The following GPC5 variants were observed in gnomAD, a reference collection of about 807,000 sequenced individuals.
The protein encoded by GPC5 is glypican 5.
In GPC5, 47 loss-of-function variants were observed where a neutral mutation model predicts 53.9. That is an observed-to-expected ratio of 0.87 (90% CI 0.69 to 1.11). GPC5 has a LOEUF of 1.11. Ranked by LOEUF, GPC5 falls within the 50% of genes most tolerant of loss-of-function variation. The pLI is 0.00. For missense variants in GPC5, 748 were observed against 713.1 expected (o/e 1.05, Z -0.56); for synonymous variants, 286 against 263.3 (o/e 1.09, Z -0.84).
Position 92,602,233 on chromosome 13 carries a change from C to CATAT in GPC5, c.1562-264022_1562-264019dup, listed in dbSNP as rs149450440. On this transcript the variant is annotated intron_variant, in intron 7 of 7. Coordinates refer to ENST00000377067, the MANE Select transcript of GPC5 (RefSeq NM_004466.6). Reference sequence around the variant, plus strand: ...TACATATATATAAATATATATATAACATATATATATATATATATATATATA... The same window carrying CATAT: ...TACATATATATAAATATATATATAACATATATATATATATATATATATATATATA... Among the ~76,000 whole-genome samples the CATAT allele has an allele frequency of 7.3e-3, 869 of 119,440 alleles. 18 individuals carry two copies. Among genetic ancestry groups the CATAT allele is most frequent in the African/African-American group, 0.022 (664 of 29,752 alleles). The allele number at this position is 119,440 out of a possible 152,430, so 78.4% of individuals were successfully genotyped here. A position where few individuals can be genotyped will look rare whatever the true frequency, so the allele number is the denominator to read the frequency against.
intron 7 of GPC5, among the ~76,000 whole-genome samples, chr13:92,296,750 G>A (rs777886162): frequency 4.6e-5 from 7 of 152,134 alleles, no homozygotes; most frequent in Non-Finnish European, 7.4e-5. Flanking sequence ...GGTGGGCCCC[G>A]CACTTGGAGC....
chr13:91,926,610 A>G (rs1233198203), intron 6 of GPC5, among the ~76,000 whole-genome samples: 1 of 152,158 alleles, frequency 6.6e-6, no homozygotes, highest in African/African-American at 2.4e-5. Context: ...GTGCAAAAAC[A>G]TGCCGGCTTC....
chr13:92,498,402 T>C (rs1459163253), intron 7 of GPC5, among the ~76,000 whole-genome samples: 1 of 152,120 alleles, frequency 6.6e-6, no homozygotes, highest in Non-Finnish European at 1.5e-5. Flanking sequence ...TAGAGAAAGA[T>C]CATATACCAG....
intron 5 of GPC5, among the ~76,000 whole-genome samples, chr13:91,858,569 G>T (rs1326050113): frequency 6.6e-6 from 1 of 151,962 alleles, no homozygotes; most frequent in African/African-American, 2.4e-5. Flanking sequence ...CAGTTTGCTA[G>T]TATGTTGCTG....
At chr13:91,523,318 A>G (rs114253812) in intron 2 of GPC5, among the ~76,000 whole-genome samples, 1 of 152,352 alleles carries the variant, frequency 6.6e-6, no homozygotes, top group African/African-American at 2.4e-5. Flanking sequence ...ATTGTATACA[A>G]TAGCTAAGGC....
At chr13:91,642,414 A>G (rs1030177812) in intron 2 of GPC5, among the ~76,000 whole-genome samples, 1 of 152,208 alleles carries the variant, frequency 6.6e-6, no homozygotes, top group Non-Finnish European at 1.5e-5. Context: ...CCAAGGGAAG[A>G]AAAGTAACAC....
intron 7 of GPC5, among the ~76,000 whole-genome samples, chr13:92,743,585 C>T (rs1172650733): frequency 6.6e-6 from 1 of 152,110 alleles, no homozygotes; most frequent in African/African-American, 2.4e-5. Flanking sequence ...ATTTCTTTCT[C>T]CTGCCTGATT....
intron 7 of GPC5, among the ~76,000 whole-genome samples, chr13:92,385,312 A>G (rs2043783159): frequency 7.1e-6 from 1 of 140,638 alleles, no homozygotes; most frequent in Non-Finnish European, 1.5e-5. Flanking sequence ...GGCACTTCCT[A>G]TATATATACA....
chr13:91,623,456 G>A (rs533026777), intron 2 of GPC5, among the ~76,000 whole-genome samples: 11 of 152,008 alleles, frequency 7.2e-5, no homozygotes, highest in Admixed American at 1.3e-4. Flanking sequence ...AGGATTCTGC[G>A]TCTAGGGGGC....
chr13:92,021,572 C>A (rs952686219), intron 6 of GPC5, among the ~76,000 whole-genome samples: 2 of 152,146 alleles, frequency 1.3e-5, no homozygotes, highest in African/African-American at 4.8e-5. Context: ...CTGTGGTCAA[C>A]AATAATGCGT....
intron 7 of GPC5, among the ~76,000 whole-genome samples, chr13:92,197,960 A>G (rs2139056236): frequency 6.6e-6 from 1 of 152,202 alleles, no homozygotes; most frequent in South Asian, 2.1e-4. Flanking sequence ...TTTGATTCCC[A>G]ACATGCCAAA....
At chr13:92,670,740 G>A (rs888077269) in intron 7 of GPC5, among the ~76,000 whole-genome samples, 3 of 152,158 alleles carry the variant, frequency 2.0e-5, no homozygotes, top group Non-Finnish European at 4.4e-5. Context: ...CAAGTGTCCA[G>A]TCCTATCTCT....
Position 91,889,225 on chromosome 13 carries a change from T to G in GPC5, c.1281-18712T>G, listed in dbSNP as rs1466350524. ...TGTAAAGGAATAAGTGCCCATTTTC[T>G]GGGACACTCCAAGAGTCTGACTCAG... On this transcript the variant is annotated intron_variant, in intron 5 of 7. Transcript: ENST00000377067. Among the ~76,000 whole-genome samples, 3 of 152,210 alleles carry G rather than the reference T, an allele frequency of 2.0e-5. No homozygotes were observed. In the East Asian group the frequency reaches 5.8e-4, roughly 29 times the overall value.
chr13:92,566,095 G>C (rs1882854637), intron 7 of GPC5, among the ~76,000 whole-genome samples: 1 of 152,126 alleles, frequency 6.6e-6, no homozygotes, highest in South Asian at 2.1e-4. Flanking sequence ...AGGTCTTCTT[G>C]ACTTTAGAAC....
rs77979530 is a variant in GPC5, at chr13:92,171,901, A to G, written c.1561+26912A>G. ...TCCTATCTTAATGACTGTTACCATC[A>G]TTCAGTCAATTTCCCAAGAGAGCTT... On this transcript the variant is annotated intron_variant, in intron 7 of 7. Coordinates refer to ENST00000377067, the MANE Select transcript of GPC5 (RefSeq NM_004466.6). Among the ~76,000 whole-genome samples the G allele has an allele frequency of 4.9e-3, 742 of 152,306 alleles. 10 individuals carry two copies. The highest frequency in any genetic ancestry group is 0.016 in the African/African-American group (669 of 41,586).
chr13:91,629,532 A>G (rs1175474435), intron 2 of GPC5, among the ~76,000 whole-genome samples: 1 of 152,084 alleles, frequency 6.6e-6, no homozygotes, highest in Non-Finnish European at 1.5e-5. Context: ...AATCCAAGGT[A>G]CTTGGGAGGC....
chr13:92,812,243 T>A (rs1877324246), intron 7 of GPC5, among the ~76,000 whole-genome samples: 1 of 151,938 alleles, frequency 6.6e-6, no homozygotes, highest in Admixed American at 6.6e-5. Flanking sequence ...CTTGTATATA[T>A]CTTCTTTAAT....
At chr13:91,461,630 C>T (rs2139144047) in intron 2 of GPC5, among the ~76,000 whole-genome samples, 1 of 152,186 alleles carries the variant, frequency 6.6e-6, no homozygotes, top group South Asian at 2.1e-4. Context: ...ACATAATGAA[C>T]ACTCAACATA....
chr13:91,615,097 T>TA (rs143246073), intron 2 of GPC5, among the ~76,000 whole-genome samples: 11,567 of 152,266 alleles, frequency 0.076, 575 homozygotes, highest in Non-Finnish European at 0.11. Flanking sequence ...GCATTAGGAT[T>TA]ACAAACAACT....
Sources: allele counts gnomAD v4.1 joint callset (sites outside exome capture counted in the v4.1 genomes callset), GRCh38; gene constraint gnomAD v4.1.1; transcripts MANE v1.5; gene names NCBI Gene and HGNC (gene_info 2026-07-23, HGNC 2026-07-21).